ASIC2: variants seen among roughly 807,000 people sequenced by gnomAD.
The protein encoded by ASIC2 is acid-sensing ion channel 2.
Under a neutral mutation model 57.3 loss-of-function variants are expected in ASIC2, and 25 were observed. That is an observed-to-expected ratio of 0.44 (90% CI 0.32 to 0.61). The LOEUF (loss-of-function observed/expected upper bound fraction) is 0.61, where lower values mean the gene tolerates loss of function less well. Among genes scored for constraint, ASIC2 ranks in the 20% least tolerant of loss-of-function variants. The pLI is 0.06. For missense variants in ASIC2, 641 were observed against 738.1 expected (o/e 0.87, Z 1.52); for synonymous variants, 319 against 307.5 (o/e 1.04, Z -0.39).
At chr17:34,074,789 T>C (rs922637296) in intron 1 of ASIC2, among the ~76,000 whole-genome samples, 29 of 145,702 alleles carry the variant, frequency 2.0e-4, no homozygotes, top group Non-Finnish European at 3.9e-4. Context: ...TTTCTTTTTT[T>C]TTTTTTTTTT....
At chr17:33,167,284 C>T (rs1421064702) in intron 1 of ASIC2, among the ~76,000 whole-genome samples, 2 of 152,188 alleles carry the variant, frequency 1.3e-5, no homozygotes, top group African/African-American at 4.8e-5. Flanking sequence ...GTGAGCCAGC[C>T]ATGACCAAAG....
At chr17:33,490,484 G>A (rs1913717480) in intron 1 of ASIC2, among the ~76,000 whole-genome samples, 1 of 152,166 alleles carries the variant, frequency 6.6e-6, no homozygotes. Context: ...ACCTGTCAAG[G>A]GTGGGGCCAG....
intron 3 of ASIC2, among the ~76,000 whole-genome samples, chr17:33,034,557 GTTTTT>G (rs945107982): frequency 6.6e-6 from 1 of 151,568 alleles, no homozygotes; most frequent in Non-Finnish European, 1.5e-5. Context: ...TAATGTCTTA[GTTTTT>G]TTTTGTTATT....
intron 1 of ASIC2, among the ~76,000 whole-genome samples, chr17:33,820,937 T>C (rs1457845518): frequency 1.3e-5 from 2 of 152,242 alleles, no homozygotes; most frequent in East Asian, 3.8e-4. Flanking sequence ...ACTGCTGATG[T>C]AGACCACCCA....
intron 1 of ASIC2, among the ~76,000 whole-genome samples, chr17:33,958,104 G>A (rs1055310606): frequency 1.3e-5 from 2 of 152,236 alleles, no homozygotes; most frequent in African/African-American, 2.4e-5. Flanking sequence ...TTATGCTGTT[G>A]CAAGAAGTGA....
chr17:33,881,505 C>T (rs572234094), intron 1 of ASIC2, among the ~76,000 whole-genome samples: 137 of 152,140 alleles, frequency 9.0e-4, no homozygotes, highest in Middle Eastern at 3.4e-3. Flanking sequence ...TGAACTCCCA[C>T]TCACAATTGC....
intron 1 of ASIC2, among the ~76,000 whole-genome samples, chr17:33,355,290 G>T (rs1908332611): frequency 6.6e-6 from 1 of 152,138 alleles, no homozygotes; most frequent in East Asian, 1.9e-4. Context: ...AGCCAAGATT[G>T]TGCCACTGCA....
In ASIC2 at chr17:33,826,524, C is replaced by T. The variant is rs548880863; in HGVS notation, c.555+329454G>A. ...AGATAGATTCACAGGGCTGGAGGAACGTTGGCGATCACGTAGCCCATTGCC... is the reference window on the plus strand; with the variant it reads ...AGATAGATTCACAGGGCTGGAGGAATGTTGGCGATCACGTAGCCCATTGCC... On this transcript the variant is annotated intron_variant, in intron 1 of 9. Coordinates refer to the ASIC2 transcript ENST00000359872. 3.9e-5 allele frequency among the ~76,000 whole-genome samples: 6 copies of T among 152,298 alleles called. No individual in the cohort carries two copies. The East Asian group carries it at 1.2e-3, about 29-fold the overall frequency.
At chr17:33,025,409 A>G (rs1158816617) in intron 5 of ASIC2, among the ~76,000 whole-genome samples, 1 of 152,090 alleles carries the variant, frequency 6.6e-6, no homozygotes, top group Non-Finnish European at 1.5e-5. Context: ...ATTTGCATGC[A>G]TGGAATGCAA....
chr17:34,009,250 C>T (rs1194236173), intron 1 of ASIC2, among the ~76,000 whole-genome samples: 1 of 152,132 alleles, frequency 6.6e-6, no homozygotes, highest in Non-Finnish European at 1.5e-5. Flanking sequence ...GAGCCCTCAG[C>T]TCAGCATCAT....
chr17:33,582,554 A>G (rs1253090037), intron 1 of ASIC2, among the ~76,000 whole-genome samples: 1 of 152,204 alleles, frequency 6.6e-6, no homozygotes, highest in East Asian at 1.9e-4. Context: ...TTCCACCTGC[A>G]AAGTTAGGAT....
At chr17:33,983,161 T>A (rs1023144780) in intron 1 of ASIC2, among the ~76,000 whole-genome samples, 1 of 152,208 alleles carries the variant, frequency 6.6e-6, no homozygotes, top group Non-Finnish European at 1.5e-5. Flanking sequence ...ACATAATATG[T>A]GCACATGATG....
At chr17:33,890,419 A>G (rs771687317) in intron 1 of ASIC2, among the ~76,000 whole-genome samples, 6 of 152,232 alleles carry the variant, frequency 3.9e-5, no homozygotes, top group Non-Finnish European at 8.8e-5. Context: ...ACCCAATAAT[A>G]GTGGAAACCA....
intron 1 of ASIC2, among the ~76,000 whole-genome samples, chr17:34,034,283 C>A (rs1907761883): frequency 6.6e-6 from 1 of 152,130 alleles, no homozygotes; most frequent in African/African-American, 2.4e-5. Context: ...TCAATAGATG[C>A]AGAAAAAGCC....
chr17:33,533,062 T>A (rs1915103169), intron 1 of ASIC2, among the ~76,000 whole-genome samples: 1 of 152,234 alleles, frequency 6.6e-6, no homozygotes, highest in African/African-American at 2.4e-5. Context: ...AAGCTGTATT[T>A]CAGGCCGAGT....
chr17:34,065,958 G>A (rs1238457645), intron 1 of ASIC2, among the ~76,000 whole-genome samples: 2 of 152,128 alleles, frequency 1.3e-5, no homozygotes, highest in Non-Finnish European at 2.9e-5. Context: ...ACACTCTCGA[G>A]ATAGTATTAG....
chr17:33,339,102 TA>T lies in ASIC2; in HGVS notation c.556-227036del, dbSNP rs773245985. Among the ~76,000 whole-genome samples the T allele has an allele frequency of 4.6e-4, 69 of 150,620 alleles. 2 individuals are homozygous for T. The highest frequency in any genetic ancestry group is 1.2e-3 in the African/African-American group (48 of 41,060). ...TTTTTTACCACGATAAAAATTAAGT[TA>T]AAAAAAAAGGAAAGAAAAAATAAAG... On this transcript the variant is annotated intron_variant, in intron 1 of 9. Transcript: ENST00000359872.
chr17:33,197,240 G>A (rs1485537204), intron 1 of ASIC2, among the ~76,000 whole-genome samples: 1 of 152,182 alleles, frequency 6.6e-6, no homozygotes, highest in Non-Finnish European at 1.5e-5. Context: ...TTTGGTTGTT[G>A]AGCAGCAAGA....
intron 1 of ASIC2, among the ~76,000 whole-genome samples, chr17:33,540,067 TCA>T (rs1199952795): frequency 2.6e-5 from 4 of 152,290 alleles, no homozygotes; most frequent in African/African-American, 9.6e-5. Flanking sequence ...AGGGATTGTC[TCA>T]CAGTTCGGGA....
Sources: allele counts gnomAD v4.1 joint callset (sites outside exome capture counted in the v4.1 genomes callset), GRCh38; gene constraint gnomAD v4.1.1; transcripts MANE v1.5; gene names NCBI Gene and HGNC (gene_info 2026-07-23, HGNC 2026-07-21).